RNGTT: variants seen among roughly 807,000 people sequenced by gnomAD.
RNGTT encodes the protein RNA guanylyltransferase and 5'-phosphatase.
A neutral mutation model predicts 79.3 loss-of-function variants in RNGTT; 33 were observed. The ratio of observed to expected loss-of-function variants is 0.42; its 90% CI spans 0.32 to 0.56. The LOEUF (loss-of-function observed/expected upper bound fraction) is 0.56, where lower values mean the gene tolerates loss of function less well. Among genes scored for constraint, RNGTT ranks in the 20% least tolerant of loss-of-function variants. The probability of loss-of-function intolerance (pLI) is 0.17; values close to 1 mark genes in which losing one functional copy is unlikely to be tolerated. For missense variants in RNGTT, 497 were observed against 739.1 expected, an observed-to-expected ratio of 0.67 and a Z score of 3.80; for synonymous variants, 222 against 235.9, an observed-to-expected ratio of 0.94 and a Z score of 0.54.
intron 14 of RNGTT, among the ~76,000 whole-genome samples, chr6:88,640,556 A>AAAAAAG (rs1400701832): frequency 0.012 from 1,708 of 142,082 alleles, 35 homozygotes; most frequent in African/African-American, 0.047. Flanking sequence ...CAAAAAAAAA[A>AAAAAAG]AAAAGAAAAG....
At chr6:88,688,265 A>G (rs1775350951) in intron 13 of RNGTT, among the ~76,000 whole-genome samples, 1 of 152,222 alleles carries the variant, frequency 6.6e-6, no homozygotes, top group Non-Finnish European at 1.5e-5. Context: ...ACAAATAAGA[A>G]AAGGAGAAAG....
At chr6:88,715,876 T>G (rs1164626020) in intron 13 of RNGTT, among the ~76,000 whole-genome samples, 1 of 152,162 alleles carries the variant, frequency 6.6e-6, no homozygotes, top group Non-Finnish European at 1.5e-5. Context: ...GAAGAAAACC[T>G]AGGCATTACC....
chr6:88,892,346 C>T (rs1562305903), intron 6 of RNGTT, among the ~76,000 whole-genome samples: 1 of 152,020 alleles, frequency 6.6e-6, no homozygotes, highest in Non-Finnish European at 1.5e-5. Flanking sequence ...AACAGGCCTA[C>T]ACTATACCAA....
chr6:88,887,081 T>A (rs1310954456), intron 8 of RNGTT, among the ~76,000 whole-genome samples: 1 of 148,638 alleles, frequency 6.7e-6, no homozygotes, highest in Non-Finnish European at 1.5e-5. Flanking sequence ...GCCACTCTAC[T>A]TACTGTTATC....
intron 14 of RNGTT, among the ~76,000 whole-genome samples, chr6:88,676,212 T>C (rs1349406347): frequency 6.6e-6 from 1 of 152,146 alleles, no homozygotes; most frequent in Non-Finnish European, 1.5e-5. Flanking sequence ...AATAAACACA[T>C]AGGTCAATGG....
At chr6:88,696,497 G>T (rs1582343163) in intron 13 of RNGTT, among the ~76,000 whole-genome samples, 1 of 151,978 alleles carries the variant, frequency 6.6e-6, no homozygotes, top group Admixed American at 6.6e-5. Context: ...AGGGGAGAAT[G>T]ATTTATGTGG....
intron 2 of RNGTT, among the ~76,000 whole-genome samples, chr6:88,937,440 T>C (rs1350288352): frequency 3.3e-5 from 5 of 152,236 alleles, no homozygotes; most frequent in African/African-American, 1.2e-4. Flanking sequence ...ACTTGGGTCT[T>C]GTTTTTCTTG....
At chr6:88,938,449 C>A (rs1343957167) in intron 2 of RNGTT, among the ~76,000 whole-genome samples, 1 of 152,170 alleles carries the variant, frequency 6.6e-6, no homozygotes, top group African/African-American at 2.4e-5. Context: ...TTCTTGTAGG[C>A]AGCATATGGA....
At chr6:88,734,028 G>C (rs756968290) in intron 13 of RNGTT, among the ~76,000 whole-genome samples, 1 of 152,100 alleles carries the variant, frequency 6.6e-6, no homozygotes, top group Non-Finnish European at 1.5e-5. Flanking sequence ...GTTAAAGAAG[G>C]AATAAATGAC....
At chr6:88,715,236 T>C (rs1776466612) in intron 13 of RNGTT, among the ~76,000 whole-genome samples, 1 of 151,982 alleles carries the variant, frequency 6.6e-6, no homozygotes, top group Non-Finnish European at 1.5e-5. Context: ...AAGAATAAAA[T>C]ACCCAGGAAT....
chr6:88,746,539 C>T (rs1209456883), intron 13 of RNGTT, among the ~76,000 whole-genome samples: 9 of 152,172 alleles, frequency 5.9e-5, no homozygotes. Context: ...GGGAAGATTT[C>T]ATGTCAAATC....
chr6:88,769,791 T>C lies in RNGTT; in HGVS notation c.1422A>G (p.Thr474=). The C allele has an allele frequency of 6.2e-7, 1 of 1,608,794 alleles. No homozygotes were observed. Among genetic ancestry groups the C allele is most frequent in the Non-Finnish European group, 8.5e-7 (1 of 1,175,754 alleles). ...ATACTTACCCTTCTCCTCCCATTCT[T>C]GTTATTTTTAGACGAAAATCCACAG... ...LNSVDFRLKI[T]RMGGEGLLPQ... The change falls in exon 13 of 16, where the codon ACA becomes ACG. Residue 474 remains threonine (T), a synonymous_variant. Transcript: ENST00000369485.
chr6:88,771,220 T>C (rs1298325553), intron 12 of RNGTT, among the ~76,000 whole-genome samples: 1 of 150,074 alleles, frequency 6.7e-6, no homozygotes, highest in Non-Finnish European at 1.5e-5. Flanking sequence ...ACAAGTTTTA[T>C]GGTTTCAGCT....
chr6:88,745,956 A>G (rs1408261759), intron 13 of RNGTT, among the ~76,000 whole-genome samples: 2 of 152,166 alleles, frequency 1.3e-5, no homozygotes, highest in Non-Finnish European at 2.9e-5. Flanking sequence ...GGACCCTGTA[A>G]CCCTGCTCCT....
At chr6:88,937,888 G>A (rs906701790) in intron 2 of RNGTT, among the ~76,000 whole-genome samples, 1 of 152,092 alleles carries the variant, frequency 6.6e-6, no homozygotes, top group East Asian at 1.9e-4. Flanking sequence ...TACCATTGTG[G>A]TCTAAGAAGG....
intron 13 of RNGTT, among the ~76,000 whole-genome samples, chr6:88,767,414 A>G (rs557190064): frequency 7.2e-5 from 11 of 152,218 alleles, no homozygotes; most frequent in Admixed American, 5.9e-4. Context: ...AAACTGCAAG[A>G]AAAAATAACA....
intron 14 of RNGTT, among the ~76,000 whole-genome samples, chr6:88,643,150 A>C (rs1773390322): frequency 6.6e-6 from 1 of 152,110 alleles, no homozygotes; most frequent in Non-Finnish European, 1.5e-5. Context: ...ATTAGCTTAC[A>C]TTTGGGAAAA....
At chr6:88,949,179 G>GA (rs1785157048) in intron 1 of RNGTT, among the ~76,000 whole-genome samples, 2 of 51,326 alleles carry the variant, frequency 3.9e-5, no homozygotes, top group African/African-American at 1.6e-4. Flanking sequence ...AAAAAAAAAA[G>GA]AAAATGAAAA....
rs1442176660 is a variant in RNGTT at position 88,955,139 on chromosome 6, A to G, written c.64+8207T>C. Among the ~76,000 whole-genome samples, 10 of 152,354 alleles carry G rather than the reference A, an allele frequency of 6.6e-5. No individual in the cohort carries two copies. The South Asian group carries it at 1.5e-3, about 22-fold the overall frequency. On this transcript the variant is annotated intron_variant, in intron 1 of 15. Transcript: ENST00000369485. ...CTGCTCTTGAATAATCTTTGGGTCAACAATGAAATAAAGATGGAAATTTAA... is the reference window on the plus strand; with the variant it reads ...CTGCTCTTGAATAATCTTTGGGTCAGCAATGAAATAAAGATGGAAATTTAA...
Sources: gnomAD v4.1 joint callset for allele counts (sites outside exome capture counted in the v4.1 genomes callset) on GRCh38, gnomAD v4.1.1 for gene constraint, MANE v1.5 for transcripts, NCBI Gene and HGNC (gene_info 2026-07-23, HGNC 2026-07-21) for gene names.